The following POLG variants were observed in gnomAD, a reference collection of about 807,000 sequenced individuals.
POLG encodes DNA polymerase subunit gamma-1.
Under a neutral mutation model 155.4 loss-of-function variants are expected in POLG, and 110 were observed. The observed-to-expected ratio is 0.71, with a 90% CI of 0.61 to 0.83. The LOEUF is 0.83. Among genes scored for constraint, POLG ranks in the 40% least tolerant of loss-of-function variants. POLG has a pLI of 0.00. For synonymous variants in POLG, 701 were observed against 631.5 expected (o/e 1.11, Z -1.65); for missense variants, 1,685 against 1,627.5 (o/e 1.04, Z -0.61).
In POLG at chr15:89,333,641, C is replaced by A. The variant is rs794727268; in HGVS notation, c.114G>T (p.Gly38=). ...SSVPASDPSD[G]QRRRQQQQQQ... ...GCTGCTGCTGCTGCCGCCGCCGCTG[C>A]CCGTCGCTGGGGTCGGACGCGGGGA... is the stretch of plus-strand genomic sequence containing the variant. The change falls in exon 2 of 23, where the codon GGG becomes GGT. Residue 38 remains glycine, a synonymous_variant. Coordinates refer to ENST00000268124, the MANE Select transcript of POLG (RefSeq NM_002693.3). The A allele has an allele frequency of 1.9e-6, 3 of 1,590,756 alleles. No homozygotes were observed. Among genetic ancestry groups the A allele is most frequent in the African/African-American group, 2.7e-5 (2 of 74,542 alleles).
rs1223104265 is a variant in POLG, at chr15:89,316,827, C to T, written c.3644G>A (p.Gly1215Asp). ...GMERRYGIPQGEALDIYQIIE... is the reference protein window; with the variant it reads ...GMERRYGIPQDEALDIYQIIE... ...TATCTGGTAAATATCCAGCGCTTCA[C>T]CTGAAAGATAGTGCAAATTGGTTAG... Residue 1215 changes from glycine (G) to aspartate (D), a missense_variant and splice_region_variant, in exon 23 of 23, where the codon GGT becomes GAT. By Grantham distance (94) the Gly-to-Asp change is moderately conservative (BLOSUM62 -1). Transcript: ENST00000268124. 1.2e-6 allele frequency: 2 copies of T among 1,612,718 alleles called. No individual in the cohort carries two copies. The highest frequency in any genetic ancestry group is 1.3e-5 in the African/African-American group (1 of 74,982).
Position 89,316,521 on chromosome 15 carries a change from C to T in POLG, c.*230G>A. The T allele has an allele frequency of 3.3e-6, 5 of 1,508,128 alleles. No individual in the cohort carries two copies. Among genetic ancestry groups the T allele is most frequent in the Middle Eastern group, 3.4e-4 (2 of 5,906 alleles). The allele number at this position is 1,508,128 out of a possible 1,614,324, so 93.4% of individuals were successfully genotyped here. A position where few individuals can be genotyped will look rare whatever the true frequency, so the allele number is the denominator to read the frequency against. ...TGCTTCATTTTTACCCAACAAGCAA[C>T]AATGCCCCTTGTCCTGTAGTCCACA... is the stretch of plus-strand genomic sequence containing the variant. On this transcript the variant is annotated 3_prime_UTR_variant, in exon 23 of 23. Transcript: ENST00000268124.
Position 89,333,214 on chromosome 15 carries a change from CG to C in POLG, c.540del (p.Glu181ArgfsTer85). 1 of 1,576,538 alleles carries C rather than the reference CG, an allele frequency of 6.3e-7. No individual in the cohort carries two copies. Among genetic ancestry groups the C allele is most frequent in the Non-Finnish European group, 8.6e-7 (1 of 1,157,878 alleles). On this transcript the variant is annotated frameshift_variant, in exon 2 of 23. Coordinates refer to ENST00000268124, the MANE Select transcript of POLG (RefSeq NM_002693.3). LOFTEE classifies it high-confidence loss of function. ...AWAEGWTRYGPEGEAVPVAIP... is the reference protein window; with the variant it reads ...AWAEGWTRYGXEGEAVPVAIP... Reference sequence around the variant, plus strand: ...ATGGCCACGGGTACGGCCTCCCCCTCGGGGCCGTACCGGGTCCAGCCCTCCG... The same window carrying C: ...ATGGCCACGGGTACGGCCTCCCCCTCGGGCCGTACCGGGTCCAGCCCTCCG...
chr15:89,328,759 C>A lies in POLG; in HGVS notation c.1096G>T (p.Gly366Trp). Reference sequence around the variant, plus strand: ...CGAGGCTCCTTCTCTAAGGGAGGCCCCCCTACATAAAGTCTGTGCACCTCT... The same window carrying A: ...CGAGGCTCCTTCTCTAAGGGAGGCCACCCTACATAAAGTCTGTGCACCTCT... ...LAEVHRLYVG[G>W]PPLEKEPREL... is the part of the protein sequence containing the mutation. Residue 366 changes from glycine (G) to tryptophan (W), a missense_variant, in exon 5 of 23, where the codon GGG becomes TGG. Coordinates refer to ENST00000268124, the MANE Select transcript of POLG (RefSeq NM_002693.3). 6.2e-7 allele frequency: 1 copy of A among 1,614,106 alleles called. No homozygotes were observed. The highest frequency in any genetic ancestry group is 8.5e-7 in the Non-Finnish European group (1 of 1,180,008).
intron 6 of POLG, 57 bp downstream of exon 6, chr15:89,328,399 G>T: frequency 1.5e-6 from 2 of 1,370,294 alleles, no homozygotes; most frequent in Admixed American, 1.8e-5. Context: ...ATTACAGTGG[G>T]CCCGGGTACC....
chr15:89,325,215 T>TGAGTGAGTGAGTGAGTGAGTGAGA (rs2055488020), intron 10 of POLG, among the ~76,000 whole-genome samples: 1 of 45,262 alleles, frequency 2.2e-5, no homozygotes, highest in Non-Finnish European at 5.0e-5. Flanking sequence ...AGAGAGTGAG[T>TGAGTGAGTGAGTGAGTGAGTGAGA]GAGTGAGAGA....
At chr15:89,318,892 T>A in intron 20 of POLG, 39 bp downstream of exon 20, 1 of 1,612,074 alleles carries the variant, frequency 6.2e-7, no homozygotes, top group Non-Finnish European at 8.5e-7. Context: ...CTGCCCTCCC[T>A]GGGGCCCCTC....
In POLG at chr15:89,333,151, A is replaced by T; in HGVS notation, c.604T>A (p.Cys202Ser). Residue 202 changes from cysteine to serine, a missense_variant, in exon 2 of 23, where the codon TGC becomes AGC. Coordinates refer to ENST00000268124, the MANE Select transcript of POLG (RefSeq NM_002693.3). ...GTGGGGCAAGTTCCCTCTGCCAAGC[A>T]GACCTCCACGTCGAACACCAGGGCC... ...ERALVFDVEV[C>S]LAEGTCPTLA... 6.5e-7 allele frequency: 1 copy of T among 1,539,478 alleles called. No individual in the cohort carries two copies. The highest frequency in any genetic ancestry group is 8.8e-7 in the Non-Finnish European group (1 of 1,142,850).
At position 89,323,581 on chromosome 15, in the gene POLG, G is replaced by A; in HGVS notation, c.2158-70C>T. The A allele has an allele frequency of 7.5e-6, 8 of 1,067,906 alleles. No individual in the cohort carries two copies. In the South Asian group the frequency reaches 8.9e-5, roughly 12 times the overall value. 66.2% of individuals were successfully genotyped at this position (1,067,906 alleles called of 1,614,324 possible). ...CATTCAGCAAGGGCCATGGGGTAGG[G>A]GGTGGGAAAAGGGCCTGAAACTGTC... is the stretch of plus-strand genomic sequence containing the variant. On this transcript the variant is annotated intron_variant, in intron 12 of 22. Coordinates refer to ENST00000268124, the MANE Select transcript of POLG (RefSeq NM_002693.3).
At chr15:89,321,342 C>CA in intron 16 of POLG, 82 bp from the exon 17 acceptor site, 1 of 1,517,900 alleles carries the variant, frequency 6.6e-7, no homozygotes, top group Non-Finnish European at 9.1e-7. Flanking sequence ...GAGCTAGAGC[C>CA]TTTCCTGAGG....
intron 2 of POLG, 135 bp from the exon 3 acceptor site, chr15:89,330,411 T>G: frequency 1.3e-6 from 1 of 744,830 alleles, no homozygotes; most frequent in Non-Finnish European, 2.3e-6. Context: ...CAAAGGGTGC[T>G]CCTAACTCAA....
Position 89,328,991 on chromosome 15 carries a change from G to T in POLG, c.975C>A (p.Pro325=), listed in dbSNP as rs551973680. Residue 325 remains proline, a synonymous_variant, in exon 4 of 23, where the codon CCC becomes CCA. Coordinates refer to ENST00000268124, the MANE Select transcript of POLG (RefSeq NM_002693.3). The part of the protein sequence containing the change: ...AKQGKHKVQP[P]TKQGQKSQRK... ...TCTGGGACTTCTGGCCTTGCTTTGT[G>T]GGGGGCTGGACCTTGTGTTTGCCCT... 5.4e-5 allele frequency: 87 copies of T among 1,613,614 alleles called. No individual in the cohort carries two copies. The highest frequency in any genetic ancestry group is 6.7e-5 in the Non-Finnish European group (79 of 1,180,040).
rs752086124 is a variant in POLG at position 89,326,614 on chromosome 15, A to AGGGCTCACCCT, written c.1709_1710insAGGGTGAGCCC (p.Trp572Ter). ...TGCTGGGGGTGGGCAGGGCTCACCC[A>AGGGCTCACCCT]GGGTGTCCAGGAAGGTGCTGGGGCC... is the stretch of plus-strand genomic sequence containing the variant. On this transcript the variant is annotated stop_gained and frameshift_variant, in exon 9 of 23. Coordinates refer to ENST00000268124, the MANE Select transcript of POLG (RefSeq NM_002693.3). LOFTEE classifies it high-confidence loss of function. 6.2e-7 allele frequency: 1 copy of AGGGCTCACCCT among 1,613,638 alleles called. No homozygotes were observed. The highest frequency in any genetic ancestry group is 1.1e-5 in the South Asian group (1 of 91,090).
Position 89,328,757 on chromosome 15 carries a change from C to T in POLG, c.1098G>A (p.Gly366=), listed in dbSNP as rs1195508608. ...CTCGAGGCTCCTTCTCTAAGGGAGGCCCCCCTACATAAAGTCTGTGCACCT... is the reference window on the plus strand; with the variant it reads ...CTCGAGGCTCCTTCTCTAAGGGAGGTCCCCCTACATAAAGTCTGTGCACCT... ...LAEVHRLYVG[G]PPLEKEPREL... is the part of the protein sequence containing the mutation. Residue 366 remains glycine (G), a synonymous_variant, in exon 5 of 23, where the codon GGG becomes GGA. Coordinates refer to ENST00000268124, the MANE Select transcript of POLG (RefSeq NM_002693.3). The T allele has an allele frequency of 2.5e-6, 4 of 1,613,846 alleles. No individual in the cohort carries two copies. The highest frequency in any genetic ancestry group is 1.7e-5 in the Admixed American group (1 of 60,010).
At chr15:89,325,281 A>AGTGAGTGAGT (rs2055496823) in intron 10 of POLG, among the ~76,000 whole-genome samples, 169 bp downstream of exon 10, 1 of 108,794 alleles carries the variant, frequency 9.2e-6, no homozygotes. Context: ...TGAGAGAGAG[A>AGTGAGTGAGT]GAAAGAGAGA....
chr15:89,323,345 C>CT, intron 13 of POLG, 59 bp downstream of exon 13: 1 of 1,074,238 alleles, frequency 9.3e-7, no homozygotes, highest in Non-Finnish European at 1.4e-6. Context: ...TGAAGGCCTG[C>CT]TGTGGGCCTT....
At chr15:89,321,715 A>C in intron 16 of POLG, 21 bp downstream of exon 16, 1 of 1,539,096 alleles carries the variant, frequency 6.5e-7, no homozygotes, top group Non-Finnish European at 9.0e-7. Flanking sequence ...AGCAGGGGCC[A>C]GAGGTACAGA....
In POLG at chr15:89,322,786, G is replaced by A; in HGVS notation, c.2382C>T (p.Ile794=). ...TCCTCCAGAAAGAAATCATTTTGTT[G>A]ATTTCCAGAGCACGGGGCCCACTGG... ...GGASGPRALE[I]NKMISFWRNA... The change falls in exon 14 of 23, where the codon ATC becomes ATT. Residue 794 remains isoleucine (I), a synonymous_variant. Transcript: ENST00000268124. The A allele has an allele frequency of 6.2e-7, 1 of 1,614,182 alleles. No homozygotes were observed. The highest frequency in any genetic ancestry group is 2.2e-5 in the East Asian group (1 of 44,880).
chr15:89,325,173 A>T (rs2055481937), intron 10 of POLG, among the ~76,000 whole-genome samples: 6 of 97,638 alleles, frequency 6.1e-5, no homozygotes, highest in Admixed American at 9.6e-5. Flanking sequence ...TGAGTGAGAG[A>T]GTGAGAGAGT....
Sources: allele counts gnomAD v4.1 joint callset (sites outside exome capture counted in the v4.1 genomes callset), GRCh38; gene constraint gnomAD v4.1.1; transcripts MANE v1.5; gene names NCBI Gene and HGNC (gene_info 2026-07-23, HGNC 2026-07-21).